The following COL19A1 variants were observed in gnomAD, a reference collection of about 807,000 sequenced individuals.
COL19A1 encodes collagen type XIX alpha 1 chain.
In COL19A1, 159 loss-of-function variants were observed where a neutral mutation model predicts 190.2. The ratio of observed to expected loss-of-function variants is 0.84; its 90% confidence interval spans 0.73 to 0.95. The LOEUF (loss-of-function observed/expected upper bound fraction) is 0.95. Among genes scored for constraint, COL19A1 ranks in the 40% least tolerant of loss-of-function variants. The probability of loss-of-function intolerance (pLI) is 0.00; values close to 1 mark genes in which losing one functional copy is unlikely to be tolerated. For missense variants in COL19A1, 1,418 were observed against 1,431.9 expected, an observed-to-expected ratio of 0.99 and a Z score of 0.16; for synonymous variants, 509 against 458.9, an observed-to-expected ratio of 1.11 and a Z score of -1.39.
chr6:69,923,939 A>T (rs1008165941), intron 4 of COL19A1, among the ~76,000 whole-genome samples: 1 of 152,192 alleles, frequency 6.6e-6, no homozygotes, highest in Non-Finnish European at 1.5e-5. Flanking sequence ...AATGAGCAGA[A>T]ACTTCAGGAG....
chr6:70,060,437 A>T (rs1013120465), intron 14 of COL19A1, among the ~76,000 whole-genome samples: 1 of 152,096 alleles, frequency 6.6e-6, no homozygotes, highest in African/African-American at 2.4e-5. Flanking sequence ...TAGGAACCGG[A>T]CCACATAGCA....
intron 48 of COL19A1, among the ~76,000 whole-genome samples, chr6:70,191,013 A>G (rs572768483): frequency 6.6e-6 from 1 of 152,346 alleles, no homozygotes; most frequent in East Asian, 1.9e-4. Flanking sequence ...TAAATAAAGT[A>G]TGCACATTCC....
intron 19 of COL19A1, among the ~76,000 whole-genome samples, chr6:70,140,627 ATG>A (rs1488738376): frequency 6.6e-6 from 1 of 151,880 alleles, no homozygotes; most frequent in Non-Finnish European, 1.5e-5. Flanking sequence ...ATTCAATTGG[ATG>A]TGTGTGTGTG....
chr6:69,984,305 T>TCA (rs941945027), intron 11 of COL19A1, among the ~76,000 whole-genome samples: 43 of 152,278 alleles, frequency 2.8e-4, no homozygotes, highest in African/African-American at 8.2e-4. Flanking sequence ...CACTCTCTGA[T>TCA]GTCAATGAAT....
intron 49 of COL19A1, among the ~76,000 whole-genome samples, chr6:70,204,952 T>C (rs921337562): frequency 6.6e-5 from 10 of 152,196 alleles, no homozygotes; most frequent in African/African-American, 2.4e-4. Context: ...TACATTTTTT[T>C]CCTGCTGTTC....
At chr6:69,893,880 T>C (rs923974708) in intron 2 of COL19A1, among the ~76,000 whole-genome samples, 1 of 152,192 alleles carries the variant, frequency 6.6e-6, no homozygotes, top group Non-Finnish European at 1.5e-5. Context: ...TCTTTTCCAT[T>C]GATCCCAGGT....
At chr6:70,155,902 G>T (rs1256478722) in intron 31 of COL19A1, among the ~76,000 whole-genome samples, 1 of 152,006 alleles carries the variant, frequency 6.6e-6, no homozygotes, top group Admixed American at 6.6e-5. Flanking sequence ...AAAAATAAAA[G>T]TTCATCAATA....
chr6:70,067,699 T>G (rs919768150), intron 14 of COL19A1, among the ~76,000 whole-genome samples: 1 of 152,082 alleles, frequency 6.6e-6, no homozygotes, highest in Non-Finnish European at 1.5e-5. Context: ...CCGCATTTAA[T>G]GGTTGATTAG....
intron 14 of COL19A1, among the ~76,000 whole-genome samples, chr6:70,053,944 C>T (rs960309227): frequency 1.3e-5 from 2 of 152,204 alleles, no homozygotes; most frequent in Non-Finnish European, 2.9e-5. Context: ...AGGATCCACT[C>T]TGGCATTTTT....
At chr6:70,088,395 T>G (rs1305131876) in intron 15 of COL19A1, among the ~76,000 whole-genome samples, 1 of 152,156 alleles carries the variant, frequency 6.6e-6, no homozygotes, top group Admixed American at 6.6e-5. Flanking sequence ...TCTCATACAA[T>G]GCACATTTTT....
intron 12 of COL19A1, among the ~76,000 whole-genome samples, chr6:70,027,090 G>T (rs969005431): frequency 2.0e-5 from 3 of 152,090 alleles, no homozygotes; most frequent in African/African-American, 7.2e-5. Flanking sequence ...GCCAATGATG[G>T]AAATCATAAC....
chr6:69,897,962 A>T (rs1203305582), intron 2 of COL19A1, among the ~76,000 whole-genome samples: 3 of 152,162 alleles, frequency 2.0e-5, no homozygotes, highest in Non-Finnish European at 4.4e-5. Flanking sequence ...TATTAAGATG[A>T]TACCCTCTCA....
At chr6:70,085,750 CT>C (rs3840399) in intron 15 of COL19A1, among the ~76,000 whole-genome samples, 37,254 of 84,348 alleles carry the variant, frequency 0.44, 7,642 homozygotes, top group African/African-American at 0.64. Flanking sequence ...AACGTATACT[CT>C]TATTTCAAAG....
chr6:69,873,260 A>T (rs760526038), intron 1 of COL19A1, among the ~76,000 whole-genome samples: 9 of 152,148 alleles, frequency 5.9e-5, no homozygotes, highest in Admixed American at 2.0e-4. Context: ...CCTGAAAAAA[A>T]AAAACGATCC....
chr6:69,885,706 T>C (rs949506663), intron 2 of COL19A1, among the ~76,000 whole-genome samples: 2 of 148,542 alleles, frequency 1.3e-5, no homozygotes, highest in Admixed American at 1.4e-4. Flanking sequence ...TAAAAAATAT[T>C]CCACATGTGA....
chr6:70,002,287 T>A (rs1389676331), intron 11 of COL19A1, among the ~76,000 whole-genome samples: 2 of 152,222 alleles, frequency 1.3e-5, no homozygotes, highest in Non-Finnish European at 2.9e-5. Context: ...TTGAGGATTT[T>A]GACATTGATG....
At chr6:70,168,850 A>C (rs1248008585) in intron 40 of COL19A1, among the ~76,000 whole-genome samples, 169 bp downstream of exon 40, 1 of 152,162 alleles carries the variant, frequency 6.6e-6, no homozygotes, top group Non-Finnish European at 1.5e-5. Context: ...TCTGTTTCTG[A>C]GATGCATTAG....
At chr6:69,998,834 A>T (rs1010512959) in intron 11 of COL19A1, among the ~76,000 whole-genome samples, 8 of 152,110 alleles carry the variant, frequency 5.3e-5, no homozygotes, top group Non-Finnish European at 1.0e-4. Flanking sequence ...ATTTTGCTGT[A>T]TTTGTTTTAT....
At chr6:70,146,923 C>G (rs375358018) in intron 27 of COL19A1, 34 bp downstream of exon 27, 1 of 1,512,388 alleles carries the variant, frequency 6.6e-7, no homozygotes, top group African/African-American at 1.4e-5. Flanking sequence ...TTGTTGATTC[C>G]AACATTGTGA....
Sources: gnomAD v4.1 joint callset for allele counts (sites outside exome capture counted in the v4.1 genomes callset) on GRCh38, gnomAD v4.1.1 for gene constraint, MANE v1.5 for transcripts, NCBI Gene and HGNC (gene_info 2026-07-23, HGNC 2026-07-21) for gene names.